Variants in GNA12 observed in about 807,000 individuals in gnomAD.
GNA12 encodes guanine nucleotide-binding protein subunit alpha-12.
A neutral mutation model predicts 26.0 loss-of-function variants in GNA12; 9 were observed. That is an observed-to-expected ratio of 0.35 (90% confidence interval 0.21 to 0.60). GNA12 has a LOEUF of 0.60. Among genes scored for constraint, GNA12 ranks in the 20% least tolerant of loss-of-function variants. The probability of loss-of-function intolerance (pLI) is 0.78; values close to 1 mark genes in which losing one functional copy is unlikely to be tolerated. For missense variants in GNA12, 405 were observed against 525.8 expected, an observed-to-expected ratio of 0.77 and a Z score of 2.25; for synonymous variants, 264 against 219.6, an observed-to-expected ratio of 1.20 and a Z score of -1.79.
At chr7:2,778,947 T>C (rs539739240) in intron 2 of GNA12, among the ~76,000 whole-genome samples, 45 of 152,368 alleles carry the variant, frequency 3.0e-4, no homozygotes, top group Middle Eastern at 6.8e-3. Context: ...GGGTACGTTA[T>C]ATTTAACCAG....
chr7:2,820,949 C>G lies in GNA12; in HGVS notation c.309+22904G>C, dbSNP rs191868278. Among the ~76,000 whole-genome samples, 4 of 152,330 alleles carry G rather than the reference C, an allele frequency of 2.6e-5. No homozygotes were observed. In the East Asian group the frequency reaches 5.8e-4, roughly 22 times the overall value. On this transcript the variant is annotated intron_variant, in intron 1 of 3. Coordinates refer to ENST00000275364, the MANE Select transcript of GNA12 (RefSeq NM_007353.3). ...AGAGATGGGATCTCACTATGTTGCT[C>G]AGGCTGGTCTTGAACTGCTGACTTC...
At chr7:2,766,341 G>A (rs1183439804) in intron 2 of GNA12, among the ~76,000 whole-genome samples, 2 of 150,660 alleles carry the variant, frequency 1.3e-5, no homozygotes, top group Non-Finnish European at 2.9e-5. Flanking sequence ...TGTACTACAT[G>A]CTGTTTACCT....
intron 1 of GNA12, among the ~76,000 whole-genome samples, chr7:2,832,892 G>A (rs778271860): frequency 1.1e-4 from 17 of 152,112 alleles, no homozygotes; most frequent in Non-Finnish European, 7.4e-5. Flanking sequence ...TCTGGATGCC[G>A]CACTTCCAAA....
In GNA12 at chr7:2,837,888, A is replaced by T. The variant is rs574856205; in HGVS notation, c.309+5965T>A. Among the ~76,000 whole-genome samples the T allele has an allele frequency of 1.3e-3, 193 of 152,296 alleles. 1 individual carries two copies. The highest frequency in any genetic ancestry group is 4.4e-3 in the African/African-American group (182 of 41,562). ...TTCAGTCAAAAGGGGGGAAAAGATAATATAATCTCCTACTCCTAATGAGTT... is the reference window on the plus strand; with the variant it reads ...TTCAGTCAAAAGGGGGGAAAAGATATTATAATCTCCTACTCCTAATGAGTT... On this transcript the variant is annotated intron_variant, in intron 1 of 3. Coordinates refer to ENST00000275364, the MANE Select transcript of GNA12 (RefSeq NM_007353.3).
rs569190352 is a variant in GNA12, at chr7:2,829,451, G to A, written c.309+14402C>T. Reference sequence around the variant, plus strand: ...GGATTCAGAGACATCCCCTTGCATCGTTGTTCATTACTATTCAGTTCCTTC... The same window carrying A: ...GGATTCAGAGACATCCCCTTGCATCATTGTTCATTACTATTCAGTTCCTTC... On this transcript the variant is annotated intron_variant, in intron 1 of 3. Coordinates refer to ENST00000275364, the MANE Select transcript of GNA12 (RefSeq NM_007353.3). 7.2e-4 allele frequency among the ~76,000 whole-genome samples: 109 copies of A among 152,262 alleles called. No homozygotes were observed. The Middle Eastern group carries it at 0.017, about 24-fold the overall frequency.
intron 2 of GNA12, among the ~76,000 whole-genome samples, chr7:2,752,834 A>C (rs1468044845): frequency 2.0e-5 from 3 of 152,216 alleles, no homozygotes; most frequent in Non-Finnish European, 2.9e-5. Context: ...CAGTGGTTAC[A>C]TCTGTTGTTC....
At chr7:2,770,708 C>G (rs981086032) in intron 2 of GNA12, among the ~76,000 whole-genome samples, 1 of 152,082 alleles carries the variant, frequency 6.6e-6, no homozygotes, top group Non-Finnish European at 1.5e-5. Context: ...CAAACAAAAA[C>G]AAAGCAACAT....
chr7:2,784,091 T>C (rs1258722001), intron 2 of GNA12, among the ~76,000 whole-genome samples: 5 of 152,222 alleles, frequency 3.3e-5, no homozygotes, highest in African/African-American at 1.2e-4. Flanking sequence ...TTTTATCTCA[T>C]TTTATTTAAT....
At chr7:2,803,295 C>T (rs555089129) in intron 1 of GNA12, among the ~76,000 whole-genome samples, 24 of 152,294 alleles carry the variant, frequency 1.6e-4, no homozygotes, top group Admixed American at 3.9e-4. Flanking sequence ...CACAGACAGG[C>T]TGTGGAGAGC....
chr7:2,754,502 G>A (rs1791196002), intron 2 of GNA12, among the ~76,000 whole-genome samples: 1 of 151,966 alleles, frequency 6.6e-6, no homozygotes, highest in African/African-American at 2.4e-5. Flanking sequence ...CAGCACTTTG[G>A]GAGGCCAGGG....
chr7:2,778,228 TAAC>T (rs1562423186), intron 2 of GNA12, among the ~76,000 whole-genome samples: 1 of 152,202 alleles, frequency 6.6e-6, no homozygotes, highest in East Asian at 1.9e-4. Flanking sequence ...AAAAAAGTCA[TAAC>T]AACTTAATAA....
intron 1 of GNA12, among the ~76,000 whole-genome samples, chr7:2,825,291 A>T (rs1014015361): frequency 6.6e-6 from 1 of 152,098 alleles, no homozygotes; most frequent in Non-Finnish European, 1.5e-5. Flanking sequence ...TCTTGCCAGG[A>T]CTTCCCACTG....
chr7:2,820,071 T>C (rs1028053919), intron 1 of GNA12, among the ~76,000 whole-genome samples: 15 of 152,150 alleles, frequency 9.9e-5, no homozygotes, highest in African/African-American at 3.1e-4. Context: ...CGCTACAGCA[T>C]GGATGAACTT....
At chr7:2,778,325 TCA>T in intron 2 of GNA12, among the ~76,000 whole-genome samples, 1 of 152,364 alleles carries the variant, frequency 6.6e-6, no homozygotes, top group East Asian at 1.9e-4. Context: ...CCTTGCTTTT[TCA>T]CAAGAGCAGG....
At chr7:2,772,421 G>A (rs1000810477) in intron 2 of GNA12, among the ~76,000 whole-genome samples, 3 of 152,084 alleles carry the variant, frequency 2.0e-5, no homozygotes, top group East Asian at 1.9e-4. Flanking sequence ...TTAGCCGGGC[G>A]TGGTGGTGGG....
intron 1 of GNA12, among the ~76,000 whole-genome samples, chr7:2,837,287 C>G (rs930453501): frequency 1.2e-4 from 18 of 152,162 alleles, no homozygotes; most frequent in Admixed American, 3.3e-4. Context: ...CAGCAACGCC[C>G]AGAGGGGAGC....
At chr7:2,808,558 A>G (rs114691093) in intron 1 of GNA12, among the ~76,000 whole-genome samples, 1,524 of 152,288 alleles carry the variant, frequency 0.01, 9 homozygotes, top group Middle Eastern at 0.071. Context: ...CTCCCCACAG[A>G]GCAGCAGCGG....
chr7:2,735,651 G>T (rs973169793), intron 2 of GNA12, among the ~76,000 whole-genome samples: 1 of 152,174 alleles, frequency 6.6e-6, no homozygotes, highest in Non-Finnish European at 1.5e-5. Flanking sequence ...CTTTCTCCAC[G>T]ATGACTGAAT....
intron 1 of GNA12, among the ~76,000 whole-genome samples, chr7:2,821,454 A>G (rs1419866121): frequency 6.6e-6 from 1 of 152,220 alleles, no homozygotes; most frequent in Admixed American, 6.5e-5. Flanking sequence ...TGGCACTTAC[A>G]GAGAAGAATG....
Sources: allele counts gnomAD v4.1 joint callset (sites outside exome capture counted in the v4.1 genomes callset), GRCh38; gene constraint gnomAD v4.1.1; transcripts MANE v1.5; gene names NCBI Gene and HGNC (gene_info 2026-07-23, HGNC 2026-07-21).